Variants in TLE6 observed in about 807,000 individuals in gnomAD.
TLE6 encodes the protein TLE family member 6, subcortical maternal complex member.
TLE6 carries 72 observed loss-of-function variants against 77.1 expected under a neutral mutation model. The ratio of observed to expected loss-of-function variants is 0.93; its 90% confidence interval spans 0.77 to 1.14. TLE6 has a LOEUF of 1.14. Among genes scored for constraint, TLE6 ranks in the 50% most tolerant of loss-of-function variants. The pLI, the probability that TLE6 is intolerant of heterozygous loss-of-function variation, is 0.00. For missense variants in TLE6, 843 were observed against 747.6 expected (o/e 1.13, Z -1.49); for synonymous variants, 366 against 287.3 (o/e 1.27, Z -2.77).
At chr19:2,982,916 G>C (rs1420350339) in intron 5 of TLE6, among the ~76,000 whole-genome samples, 1 of 152,152 alleles carries the variant, frequency 6.6e-6, no homozygotes, top group Non-Finnish European at 1.5e-5. Context: ...AGTGTTCAAT[G>C]AGGGGCCATA....
rs1041828812 is a variant in TLE6 at position 2,995,039 on chromosome 19, C to G, written c.*35C>G. On this transcript the variant is annotated 3_prime_UTR_variant, in exon 17 of 17. Transcript: ENST00000246112. The stretch of plus-strand genomic sequence containing the variant: ...CTGCTGTCATCCCACTCCGGCTCCT[C>G]TTTTCATCCCCCCCCTTCCCCCCCC... The G allele has an allele frequency of 3.1e-6, 4 of 1,289,680 alleles. No individual in the cohort carries two copies. In the African/African-American group the frequency reaches 4.8e-5, roughly 16 times the overall value. The allele number at this position is 1,289,680 out of a possible 1,614,324, so 79.9% of individuals were successfully genotyped here.
At chr19:2,987,816 C>G (rs374041626) in intron 9 of TLE6, 26 bp downstream of exon 9, 1 of 1,614,028 alleles carries the variant, frequency 6.2e-7, no homozygotes, top group South Asian at 1.1e-5. Flanking sequence ...AGGGGCCGAC[C>G]GACTCCAGGC....
intron 14 of TLE6, 118 bp from the exon 15 acceptor site, chr19:2,993,314 C>A: frequency 9.2e-7 from 1 of 1,088,156 alleles, no homozygotes; most frequent in Non-Finnish European, 1.3e-6. Flanking sequence ...CCCAGGGCTG[C>A]ACAGCTAGGA....
At chr19:2,986,010 G>A (rs962875277) in intron 5 of TLE6, among the ~76,000 whole-genome samples, 1 of 140,020 alleles carries the variant, frequency 7.1e-6, no homozygotes, top group East Asian at 2.2e-4. Flanking sequence ...GGAGGCGGAG[G>A]TTGCAGTGAG....
chr19:2,988,971 A>C, intron 11 of TLE6, 90 bp from the exon 12 acceptor site: 1 of 1,539,104 alleles, frequency 6.5e-7, no homozygotes, highest in Non-Finnish European at 8.7e-7. Flanking sequence ...AAAATCTGAA[A>C]AAGAAGCCCC....
Position 2,980,069 on chromosome 19 carries a change from GT to G in TLE6, c.52-27del, listed in dbSNP as rs1187714927. 4.5e-6 allele frequency: 7 copies of G among 1,540,138 alleles called. No individual in the cohort carries two copies. The Admixed American group carries it at 1.4e-4, about 30-fold the overall frequency. ...GGTCTTGGGTGTTGGAGCATTGTAA[GT>G]TTTATGTAACCTTGCTTTGACCTTT... On this transcript the variant is annotated intron_variant, in intron 2 of 16. Transcript: ENST00000246112.
rs778366742 is a variant in TLE6, at chr19:2,978,198, A to T, written c.-36A>T. On this transcript the variant is annotated splice_region_variant and 5_prime_UTR_variant, in exon 2 of 17. Coordinates refer to ENST00000246112, the MANE Select transcript of TLE6 (RefSeq NM_001143986.2). ...ACCTGCCGTCTCCTTGTTGTTTTAG[A>T]CTCTGGCTAAAGTCTTGGAGGCTAC... is the stretch of plus-strand genomic sequence containing the variant. The T allele has an allele frequency of 1.7e-5, 27 of 1,549,394 alleles. No individual in the cohort carries two copies. Among genetic ancestry groups the T allele is most frequent in the Non-Finnish European group, 2.1e-5 (24 of 1,145,734 alleles).
chr19:2,993,352 A>G, intron 14 of TLE6, 80 bp from the exon 15 acceptor site: 2 of 1,463,500 alleles, frequency 1.4e-6, no homozygotes, highest in Non-Finnish European at 1.8e-6. Flanking sequence ...CCTCCAGGAT[A>G]GGTCCCCAGG....
At chr19:2,992,815 G>C (rs1285339940) in intron 14 of TLE6, among the ~76,000 whole-genome samples, 1 of 114,674 alleles carries the variant, frequency 8.7e-6, no homozygotes, top group East Asian at 2.9e-4. Context: ...GGGTGGGGGG[G>C]GGGGAGGATG....
In TLE6 at chr19:2,991,943, A is replaced by T; in HGVS notation, c.1345A>T (p.Arg449Trp). 6.2e-7 allele frequency: 1 copy of T among 1,613,926 alleles called. No individual in the cohort carries two copies. Among genetic ancestry groups the T allele is most frequent in the Non-Finnish European group, 8.5e-7 (1 of 1,179,996 alleles). Residue 449 changes from arginine (R) to tryptophan (W), a missense_variant, in exon 14 of 17, where the codon AGG (arginine) becomes TGG (tryptophan). Transcript: ENST00000246112. ...TGCCTGTCTGCGGTGCTGGGACCAG[A>T]GGACCATCATGAAACCTCTGGAGTA... ...PDACLRCWDQ[R>W]TIMKPLEYQF...
chr19:2,978,271 C>G lies in TLE6; in HGVS notation c.38C>G (p.Pro13Arg), dbSNP rs573404555. ...SRDQPRPKGP[P>R]KSTSPCPGIS... Reference sequence around the variant, plus strand: ...GACCAGCCCAGACCCAAGGGCCCCCCGAAAAGCACTTCGGTGAGGAGGGCA... The same window carrying G: ...GACCAGCCCAGACCCAAGGGCCCCCGGAAAAGCACTTCGGTGAGGAGGGCA... Residue 13 changes from proline to arginine, a missense_variant, in exon 2 of 17, where the codon CCG becomes CGG. Transcript: ENST00000246112. 5 of 1,551,486 alleles carry G rather than the reference C, an allele frequency of 3.2e-6. No homozygotes were observed. Among genetic ancestry groups the G allele is most frequent in the Middle Eastern group, 1.7e-4 (1 of 5,986 alleles).
chr19:2,995,137 A>T lies in TLE6; in HGVS notation c.*133A>T. On this transcript the variant is annotated 3_prime_UTR_variant, in exon 17 of 17. Transcript: ENST00000246112. The stretch of plus-strand genomic sequence containing the variant: ...CATCGCACGATCTAGTCTGTGGTGT[A>T]GACTGGTCGCCATCACGTGTAATAA... 1 of 564,786 alleles carries T rather than the reference A, an allele frequency of 1.8e-6. No individual in the cohort carries two copies. Among genetic ancestry groups the T allele is most frequent in the East Asian group, 3.0e-5 (1 of 33,196 alleles). The allele number at this position is 564,786 out of a possible 1,614,324, so 35.0% of individuals were successfully genotyped here.
chr19:2,985,575 A>AT (rs1233284629), intron 5 of TLE6, among the ~76,000 whole-genome samples: 7,145 of 125,318 alleles, frequency 0.057, 289 homozygotes, highest in East Asian at 0.21. Flanking sequence ...TGCCTGGCTA[A>AT]TTTTTTTTTT....
At chr19:2,981,348 A>C (rs79044134) in intron 3 of TLE6, among the ~76,000 whole-genome samples, 190 bp from the exon 4 acceptor site, 3 of 67,442 alleles carry the variant, frequency 4.4e-5, no homozygotes, top group African/African-American at 7.6e-5. Flanking sequence ...ACTCTGTCTC[A>C]AAAAAAAAAA....
rs546888265 is a variant in TLE6, at chr19:2,991,386, A to G, written c.1245-457A>G. On this transcript the variant is annotated intron_variant, in intron 13 of 16. Transcript: ENST00000246112. ...AAAAAAAAAAAATACGTATATATATATATATATATACACACACACACACAC... is the reference window on the plus strand; with the variant it reads ...AAAAAAAAAAAATACGTATATATATGTATATATATACACACACACACACAC... 3.8e-3 allele frequency among the ~76,000 whole-genome samples: 400 copies of G among 105,918 alleles called. 6 individuals carry two copies. The highest frequency in any genetic ancestry group is 0.018 in the African/African-American group (376 of 20,544). The allele number at this position is 105,918 out of a possible 152,430, so 69.5% of individuals were successfully genotyped here.
Position 2,987,925 on chromosome 19 carries a change from G to C in TLE6, c.653G>C (p.Ser218Thr). The C allele has an allele frequency of 6.2e-7, 1 of 1,610,148 alleles. No homozygotes were observed. The highest frequency in any genetic ancestry group is 8.5e-7 in the Non-Finnish European group (1 of 1,177,474). The change falls in exon 10 of 17, where the codon AGT (serine) becomes ACT (threonine). Residue 218 changes from serine to threonine, a missense_variant. Transcript: ENST00000246112. Reference sequence around the variant, plus strand: ...CCCAGGCCACCTGAGGCCTCCTCCAGTCCCCCTGAGGGTTCCCAAGACAGG... The same window carrying C: ...CCCAGGCCACCTGAGGCCTCCTCCACTCCCCCTGAGGGTTCCCAAGACAGG... ...STPRPPEASSSPPEGSQDRNT... is the reference protein window; with the variant it reads ...STPRPPEASSTPPEGSQDRNT...
Position 2,991,910 on chromosome 19 carries a change from G to C in TLE6, c.1312G>C (p.Gly438Arg). 6.2e-7 allele frequency: 1 copy of C among 1,613,740 alleles called. No individual in the cohort carries two copies. The highest frequency in any genetic ancestry group is 8.5e-7 in the Non-Finnish European group (1 of 1,179,864). Reference sequence around the variant, plus strand: ...CAAGGGCTACAACATCTGGACTGGGGGTCCGGATGCCTGTCTGCGGTGCTG... The same window carrying C: ...CAAGGGCTACAACATCTGGACTGGGCGTCCGGATGCCTGTCTGCGGTGCTG... ...VVKGYNIWTG[G>R]PDACLRCWDQ... The change falls in exon 14 of 17, where the codon GGT becomes CGT. Residue 438 changes from glycine (G) to arginine (R), a missense_variant. Transcript: ENST00000246112.
At position 2,993,197 on chromosome 19, in the gene TLE6, C is replaced by T. The variant is rs539232580; in HGVS notation, c.1387-235C>T. On this transcript the variant is annotated intron_variant, in intron 14 of 16. Transcript: ENST00000246112. Reference sequence around the variant, plus strand: ...ATTGTACTCCAGCCCGGCAACAGAGCGAGACTCCGTCTCAAAATAAACACT... The same window carrying T: ...ATTGTACTCCAGCCCGGCAACAGAGTGAGACTCCGTCTCAAAATAAACACT... 3.9e-5 allele frequency among the ~76,000 whole-genome samples: 6 copies of T among 152,280 alleles called. No homozygotes were observed. The East Asian group carries it at 5.8e-4, about 15-fold the overall frequency.
chr19:2,986,058 C>T (rs1443039799), intron 5 of TLE6, among the ~76,000 whole-genome samples: 1 of 102,238 alleles, frequency 9.8e-6, no homozygotes. Context: ...TGGGCCACAG[C>T]GTGAGACTGT....
Sources: gnomAD v4.1 joint callset for allele counts (sites outside exome capture counted in the v4.1 genomes callset) on GRCh38, gnomAD v4.1.1 for gene constraint, MANE v1.5 for transcripts, NCBI Gene and HGNC (gene_info 2026-07-23, HGNC 2026-07-21) for gene names.